The following NLRC5 variants were observed in gnomAD, a reference collection of about 807,000 sequenced individuals.
The protein encoded by NLRC5 is protein NLRC5.
Under a neutral mutation model 206.9 loss-of-function variants are expected in NLRC5, and 114 were observed. The observed-to-expected ratio is 0.55, with a 90% CI of 0.47 to 0.64. The LOEUF (loss-of-function observed/expected upper bound fraction) is 0.64, where lower values mean the gene tolerates loss of function less well. Among genes scored for constraint, NLRC5 ranks in the 30% least tolerant of loss-of-function variants. The probability of loss-of-function intolerance (pLI) is 0.00; values close to 1 mark genes in which losing one functional copy is unlikely to be tolerated. For synonymous variants in NLRC5, 952 were observed against 962.8 expected (o/e 0.99, Z 0.21); for missense variants, 2,008 against 2,305.5 (o/e 0.87, Z 2.64).
chr16:57,013,813 A>G, intron 1 of NLRC5: 2 of 704,466 alleles, frequency 2.8e-6, no homozygotes, highest in Non-Finnish European at 2.6e-6. Context: ...CTGAACTAGC[A>G]GTATCTCCAG....
chr16:57,072,998 G>C (rs546727360), intron 38 of NLRC5, among the ~76,000 whole-genome samples: 1 of 152,266 alleles, frequency 6.6e-6, no homozygotes, highest in African/African-American at 2.4e-5. Context: ...TCACTGGTCT[G>C]TTTCTTTGCC....
chr16:57,077,273 A>G, intron 40 of NLRC5, 23 bp from the exon 41 acceptor site: 8 of 1,608,624 alleles, frequency 5.0e-6, no homozygotes, highest in Non-Finnish European at 6.8e-6. Flanking sequence ...CAGAAGGCTG[A>G]TGAAGCTGTT....
At chr16:57,068,477 C>T (rs74689557) in intron 36 of NLRC5, among the ~76,000 whole-genome samples, 16,562 of 151,664 alleles carry the variant, frequency 0.11, 1,035 homozygotes, top group Non-Finnish European at 0.14. Flanking sequence ...AATCTTTTTC[C>T]ACATTTGCTC....
At chr16:57,060,322 C>T (rs1597398536) in intron 30 of NLRC5, among the ~76,000 whole-genome samples, 2 of 151,946 alleles carry the variant, frequency 1.3e-5, no homozygotes, top group East Asian at 3.9e-4. Context: ...CAGTCTGATC[C>T]AACTGTCACC....
intron 1 of NLRC5, among the ~76,000 whole-genome samples, chr16:56,999,076 C>G (rs1364292819): frequency 2.6e-5 from 4 of 152,234 alleles, no homozygotes; most frequent in African/African-American, 9.6e-5. Context: ...CGATGGCGGA[C>G]TTTTCATTGT....
At chr16:57,041,097 G>A (rs1185934092) in intron 17 of NLRC5, among the ~76,000 whole-genome samples, 1 of 152,082 alleles carries the variant, frequency 6.6e-6, no homozygotes, top group Non-Finnish European at 1.5e-5. Context: ...CTTCTCTCTT[G>A]GTCTTTGTCT....
At chr16:57,060,030 A>G (rs956572152) in intron 30 of NLRC5, among the ~76,000 whole-genome samples, 17 of 122,866 alleles carry the variant, frequency 1.4e-4, no homozygotes, top group Non-Finnish European at 2.1e-4. Context: ...AACTGTTATT[A>G]TTATTATTAT....
At chr16:57,002,630 G>C (rs2058392790) in intron 1 of NLRC5, among the ~76,000 whole-genome samples, 1 of 141,484 alleles carries the variant, frequency 7.1e-6, no homozygotes, top group African/African-American at 2.6e-5. Context: ...TCTAAATTTA[G>C]TTTAGTTTTT....
chr16:57,025,762 G>T lies in NLRC5; in HGVS notation c.819G>T (p.Pro273=), dbSNP rs145752799. ...QLNLITRFLT[P]SELLFDLYLS... The stretch of plus-strand genomic sequence containing the variant: ...ACTTGATCACGAGGTTCCTGACACC[G>T]TCCGAGCTCCTTTTTGATCTGTACC... The change falls in exon 6 of 49, where the codon CCG becomes CCT. Residue 273 remains proline (P), a synonymous_variant. Transcript: ENST00000688547. 6.2e-7 allele frequency: 1 copy of T among 1,614,068 alleles called. No homozygotes were observed. The highest frequency in any genetic ancestry group is 1.7e-5 in the Admixed American group (1 of 60,012).
chr16:57,009,056 G>GCCGA (rs1404183765), intron 1 of NLRC5, among the ~76,000 whole-genome samples: 1 of 152,186 alleles, frequency 6.6e-6, no homozygotes, highest in Non-Finnish European at 1.5e-5. Context: ...ACTTTGGGAG[G>GCCGA]CCGAGGTGGG....
chr16:57,067,702 T>G, intron 35 of NLRC5, 34 bp from the exon 36 acceptor site: 1 of 1,598,152 alleles, frequency 6.3e-7, no homozygotes, highest in Non-Finnish European at 8.6e-7. Context: ...GTGTCCAGCC[T>G]GAAATCCTCT....
chr16:57,014,855 C>T (rs1186648077), intron 1 of NLRC5, among the ~76,000 whole-genome samples: 1 of 152,142 alleles, frequency 6.6e-6, no homozygotes, highest in Non-Finnish European at 1.5e-5. Context: ...GCAGACGGCA[C>T]CTTCTCATTG....
intron 23 of NLRC5, among the ~76,000 whole-genome samples, chr16:57,050,772 C>G (rs73546869): frequency 2.2e-3 from 333 of 152,324 alleles, no homozygotes; most frequent in African/African-American, 7.7e-3. Context: ...CAAGCCAGTC[C>G]CTGTCTCCTT....
intron 29 of NLRC5, 46 bp downstream of exon 29, chr16:57,059,107 A>G (rs2066068871): frequency 6.2e-7 from 1 of 1,612,760 alleles, no homozygotes; most frequent in African/African-American, 1.3e-5. Context: ...GCTGGCCAAC[A>G]GGTGCCCCTG....
In NLRC5 at chr16:57,067,857, C is replaced by G. The variant is rs750143124; in HGVS notation, c.4499+29C>G. 2.6e-6 allele frequency: 4 copies of G among 1,559,840 alleles called. No homozygotes were observed. In the African/African-American group the frequency reaches 5.4e-5, roughly 21 times the overall value. On this transcript the variant is annotated intron_variant, in intron 36 of 48. Coordinates refer to ENST00000688547, the MANE Select transcript of NLRC5 (RefSeq NM_001384950.1). ...TGTAGACAAGACATTCACTCAGTCC[C>G]CTTTGCAGCTCTGCCCTGCCCTGAC...
chr16:57,020,054 A>G lies in NLRC5; in HGVS notation c.-12-647A>G, dbSNP rs530530181. ...TGATCTCTGGAGCTGATCCCTGGGCAGAGACATCAAGACTCCATGGAGAGG... is the reference window on the plus strand; with the variant it reads ...TGATCTCTGGAGCTGATCCCTGGGCGGAGACATCAAGACTCCATGGAGAGG... On this transcript the variant is annotated intron_variant, in intron 2 of 48. Transcript: ENST00000688547. 2.6e-4 allele frequency among the ~76,000 whole-genome samples: 40 copies of G among 152,204 alleles called. No homozygotes were observed. The South Asian group carries it at 3.1e-3, about 12-fold the overall frequency.
intron 1 of NLRC5, chr16:57,004,603 T>C (rs1290862690): frequency 2.0e-5 from 3 of 152,280 alleles, no homozygotes; most frequent in African/African-American, 4.8e-5. Flanking sequence ...CATGTGCACA[T>C]GTGGGTACAT....
Position 57,026,155 on chromosome 16 carries a change from G to A in NLRC5, c.1212G>A (p.Ala404=), listed in dbSNP as rs111881204. 263 of 1,613,944 alleles carry A rather than the reference G, an allele frequency of 1.6e-4. 1 individual carries two copies. Among genetic ancestry groups the A allele is most frequent in the Admixed American group, 9.8e-4 (59 of 60,034 alleles). The change falls in exon 6 of 49, where the codon GCG becomes GCA. Residue 404 remains alanine, a synonymous_variant. Coordinates refer to ENST00000688547, the MANE Select transcript of NLRC5 (RefSeq NM_001384950.1). ...ATGGACGTCTCCGAAGCCTGTGTGC[G>A]GTGCCCGCACTGTGCCAAGTCGCCT... is the stretch of plus-strand genomic sequence containing the variant. ...QTNGRLRSLC[A]VPALCQVACL...
At chr16:57,066,323 GAA>G (rs1333805338) in intron 33 of NLRC5, among the ~76,000 whole-genome samples, 1 of 150,678 alleles carries the variant, frequency 6.6e-6, no homozygotes, top group African/African-American at 2.4e-5. Flanking sequence ...AAAAAAAAAA[GAA>G]AGAGAAAAAT....
Sources: gnomAD v4.1 joint callset for allele counts (sites outside exome capture counted in the v4.1 genomes callset) on GRCh38, gnomAD v4.1.1 for gene constraint, MANE v1.5 for transcripts, NCBI Gene and HGNC (gene_info 2026-07-23, HGNC 2026-07-21) for gene names.